MCM10: variants seen among roughly 807,000 people sequenced by gnomAD.
MCM10 encodes minichromosome maintenance 10 replication initiation factor, also known as protein MCM10 homolog.
In MCM10, 91 loss-of-function variants were observed where a neutral mutation model predicts 109.9. That is an observed-to-expected ratio of 0.83 (90% CI 0.70 to 0.99). The LOEUF (loss-of-function observed/expected upper bound fraction) is 0.99. Ranked by LOEUF, MCM10 falls within the 50% of genes least tolerant of loss-of-function variation. The pLI is 0.00. For missense variants in MCM10, 1,077 were observed against 1,061.2 expected, an observed-to-expected ratio of 1.01 and a Z score of -0.21; for synonymous variants, 380 against 387.2, an observed-to-expected ratio of 0.98 and a Z score of 0.22.
Position 13,198,803 on chromosome 10 carries a change from A to T in MCM10, c.2234A>T (p.Lys745Ile). The T allele has an allele frequency of 6.2e-7, 1 of 1,604,954 alleles. No individual in the cohort carries two copies. The highest frequency in any genetic ancestry group is 8.5e-7 in the Non-Finnish European group (1 of 1,173,390). Reference sequence around the variant, plus strand: ...AAATCAAAACACACAGGCATCCTGAAAGAGGTAAGAGCCCAAAAGCTCAAG... The same window carrying T: ...AAATCAAAACACACAGGCATCCTGATAGAGGTAAGAGCCCAAAAGCTCAAG... ...KAKSKHTGIL[K>I]EAEAEMQERY... The change falls in exon 16 of 20, where the codon AAA (lysine) becomes ATA (isoleucine). Residue 745 changes from lysine to isoleucine, a missense_variant. By Grantham distance (102) the Lys-to-Ile change is moderately radical. Transcript: ENST00000378714.
intron 11 of MCM10, 98 bp downstream of exon 11, chr10:13,191,497 G>A: frequency 1.1e-6 from 1 of 869,930 alleles, no homozygotes; most frequent in South Asian, 1.5e-5. Flanking sequence ...CACTGCTCCG[G>A]TGATGGGTAC....
intron 15 of MCM10, 83 bp from the exon 16 acceptor site, chr10:13,198,606 A>G (rs1834453867): frequency 1.2e-6 from 1 of 837,516 alleles, no homozygotes; most frequent in African/African-American, 1.7e-5. Context: ...AGGAGGAGGG[A>G]GTGGGAGGGA....
At chr10:13,202,883 C>T (rs1481314767) in intron 17 of MCM10, among the ~76,000 whole-genome samples, 2 of 152,122 alleles carry the variant, frequency 1.3e-5, no homozygotes, top group Non-Finnish European at 2.9e-5. Flanking sequence ...CTCACTCTGT[C>T]GCCCAGGTTG....
At chr10:13,192,635 A>T (rs981515603) in intron 13 of MCM10, 67 bp downstream of exon 13, 3 of 1,401,442 alleles carry the variant, frequency 2.1e-6, no homozygotes, top group Non-Finnish European at 3.0e-6. Context: ...GAACGTCTTC[A>T]TCGATTTCCA....
At chr10:13,164,230 G>T in intron 2 of MCM10, 21 bp downstream of exon 2, 1 of 1,593,194 alleles carries the variant, frequency 6.3e-7, no homozygotes, top group Admixed American at 1.9e-5. Flanking sequence ...GCAGTTTTCT[G>T]TTACTCTGTT....
At chr10:13,194,144 G>T (rs1300267966) in intron 13 of MCM10, among the ~76,000 whole-genome samples, 1 of 152,086 alleles carries the variant, frequency 6.6e-6, no homozygotes, top group Non-Finnish European at 1.5e-5. Flanking sequence ...CAGGCAGATC[G>T]CCTGAGCCCA....
intron 13 of MCM10, among the ~76,000 whole-genome samples, chr10:13,192,785 G>A (rs1217746157): frequency 2.0e-5 from 3 of 152,174 alleles, no homozygotes; most frequent in Non-Finnish European, 4.4e-5. Flanking sequence ...GGTTAGAGTC[G>A]TTATCACCAT....
chr10:13,182,917 T>C lies in MCM10; in HGVS notation c.931-16T>C. The C allele has an allele frequency of 1.9e-6, 3 of 1,601,788 alleles. No individual in the cohort carries two copies. Among genetic ancestry groups the C allele is most frequent in the Middle Eastern group, 1.7e-4 (1 of 5,988 alleles). Reference sequence around the variant, plus strand: ...ACCTACAGTTCAAAATTATAAAAAATAACTATTTGTTCCAGGGAAAAACCT... The same window carrying C: ...ACCTACAGTTCAAAATTATAAAAAACAACTATTTGTTCCAGGGAAAAACCT... On this transcript the variant is annotated splice_polypyrimidine_tract_variant and intron_variant, in intron 7 of 19. Coordinates refer to ENST00000378714, the MANE Select transcript of MCM10 (RefSeq NM_018518.5). This position sits in a 1 kb window ranked among gnomAD's most constrained non-coding sequence, Gnocchi z 4.2.
At chr10:13,202,952 C>G (rs143162802) in intron 17 of MCM10, among the ~76,000 whole-genome samples, 2 of 152,234 alleles carry the variant, frequency 1.3e-5, no homozygotes, top group African/African-American at 4.8e-5. Flanking sequence ...TCAAGCGATT[C>G]TCGTGTCTCA....
intron 2 of MCM10, among the ~76,000 whole-genome samples, chr10:13,165,574 G>A (rs914205516): frequency 6.6e-6 from 1 of 152,124 alleles, no homozygotes; most frequent in Admixed American, 6.6e-5. Context: ...GGTCAAGAAA[G>A]AAGAAATCAT....
At chr10:13,168,649 G>A (rs560773964) in intron 2 of MCM10, among the ~76,000 whole-genome samples, 1 of 152,278 alleles carries the variant, frequency 6.6e-6, no homozygotes, top group South Asian at 2.1e-4. Context: ...GAAGAAATCC[G>A]ATTGGCAAAT....
rs199611330 is a variant in MCM10 at position 13,209,237 on chromosome 10, G to A, written c.2552G>A (p.Gly851Asp). The change falls in exon 20 of 20, where the codon GGT (glycine) becomes GAT (aspartate). Residue 851 changes from glycine (G) to aspartate (D), a missense_variant. By Grantham distance (94) the Gly-to-Asp change is moderately conservative. Coordinates refer to ENST00000378714, the MANE Select transcript of MCM10 (RefSeq NM_018518.5). Reference protein sequence around the residue: ...ERDGMLKEKTGPKIGGETLLP... With the variant: ...ERDGMLKEKTDPKIGGETLLP... ...TTTTCATTTTTCTAGGAAAAGACTG[G>A]TCCAAAGATAGGAGGAGAAACTCTG... 94 of 1,613,536 alleles carry A rather than the reference G, an allele frequency of 5.8e-5. No homozygotes were observed. Among genetic ancestry groups the A allele is most frequent in the Middle Eastern group, 3.3e-4 (2 of 6,080 alleles).
chr10:13,188,278 G>A (rs534753607), intron 9 of MCM10, among the ~76,000 whole-genome samples: 5 of 152,128 alleles, frequency 3.3e-5, no homozygotes, highest in African/African-American at 9.7e-5. Context: ...GAAAAACCTC[G>A]CTGGGAGCTG....
intron 2 of MCM10, among the ~76,000 whole-genome samples, chr10:13,167,783 G>A (rs35874697): frequency 0.27 from 41,469 of 152,044 alleles, 6,124 homozygotes; most frequent in East Asian, 0.37. Flanking sequence ...TGCCTAATAC[G>A]TGCCGAACAC....
At chr10:13,198,190 A>C (rs1834448406) in intron 15 of MCM10, among the ~76,000 whole-genome samples, 1 of 152,056 alleles carries the variant, frequency 6.6e-6, no homozygotes, top group South Asian at 2.1e-4. Flanking sequence ...GGGATTACAG[A>C]CGTGAGCTGG....
At chr10:13,188,706 C>T (rs1834306368) in intron 9 of MCM10, among the ~76,000 whole-genome samples, 175 bp from the exon 10 acceptor site, 1 of 152,206 alleles carries the variant, frequency 6.6e-6, no homozygotes, top group Non-Finnish European at 1.5e-5. Flanking sequence ...AAGGGAAGAA[C>T]TTCTTCCCCT....
intron 2 of MCM10, among the ~76,000 whole-genome samples, chr10:13,168,504 T>C (rs1834030852): frequency 6.6e-6 from 1 of 151,508 alleles, no homozygotes. Flanking sequence ...TCTCATACTC[T>C]AGCCCCTGAA....
In MCM10 at chr10:13,192,565, A is replaced by G; in HGVS notation, c.1742A>G (p.Lys581Arg). ...AGAAGGAAATCAGAAGAAATACAGA[A>G]GCGGTAAGAGGAGCAGATTTAATAT... is the stretch of plus-strand genomic sequence containing the variant. Reference protein sequence around the residue: ...MRRRKSEEIQKRFLQSSSEVE... With the variant: ...MRRRKSEEIQRRFLQSSSEVE... Residue 581 changes from lysine to arginine, a missense_variant, in exon 13 of 20, where the codon AAG becomes AGG. Lys to Arg is a conservative substitution (Grantham distance 26). Coordinates refer to ENST00000378714, the MANE Select transcript of MCM10 (RefSeq NM_018518.5). The G allele has an allele frequency of 1.2e-6, 2 of 1,613,876 alleles. No homozygotes were observed. Among genetic ancestry groups the G allele is most frequent in the Non-Finnish European group, 1.7e-6 (2 of 1,179,736 alleles).
At chr10:13,195,915 A>G in intron 14 of MCM10, among the ~76,000 whole-genome samples, 1 of 151,616 alleles carries the variant, frequency 6.6e-6, no homozygotes, top group East Asian at 1.9e-4. Context: ...TTTATTTTTT[A>G]TTTGTTGAGA....
Sources: allele counts gnomAD v4.1 joint callset (sites outside exome capture counted in the v4.1 genomes callset), GRCh38; gene constraint gnomAD v4.1.1; non-coding constraint Gnocchi (gnomAD v3.1); transcripts MANE v1.5; gene names NCBI Gene and HGNC (gene_info 2026-07-23, HGNC 2026-07-21).